The following TANC2 variants were observed in gnomAD, a reference collection of about 807,000 sequenced individuals.
TANC2 encodes tetratricopeptide repeat, ankyrin repeat and coiled-coil containing 2.
TANC2 carries 26 observed loss-of-function variants against 210.5 expected under a neutral mutation model. The ratio of observed to expected loss-of-function variants is 0.12; its 90% CI spans 0.09 to 0.17. TANC2 has a LOEUF of 0.17. TANC2 is among the 10% of genes least tolerant of loss of function. The pLI, the probability that TANC2 is intolerant of heterozygous loss-of-function variation, is 1.00. For synonymous variants in TANC2, 931 were observed against 967.1 expected, an observed-to-expected ratio of 0.96 and a Z score of 0.69; for missense variants, 2,129 against 2,608.9, an observed-to-expected ratio of 0.82 and a Z score of 4.01.
In TANC2 at chr17:63,418,186, T is replaced by A. The variant is rs368506459; in HGVS notation, c.4168-121T>A. The A allele has an allele frequency of 3.0e-6, 3 of 1,016,026 alleles. No homozygotes were observed. The East Asian group carries it at 7.8e-5, about 27-fold the overall frequency. The allele number at this position is 1,016,026 out of a possible 1,614,324, so 62.9% of individuals were successfully genotyped here. On this transcript the variant is annotated intron_variant, in intron 26 of 27. Coordinates refer to ENST00000689528, the Ensembl canonical transcript of TANC2. This position sits in a 1 kb window ranked among gnomAD's most constrained non-coding sequence, Gnocchi z 4.6. ...CGGCTTGAGCCATGTCAGGCACGTC[T>A]AGCGTCCCAGGCGTTCCATCCATGA...
chr17:62,999,476 A>G (rs2033269854), intron 1 of TANC2, among the ~76,000 whole-genome samples: 1 of 152,230 alleles, frequency 6.6e-6, no homozygotes, highest in Admixed American at 6.5e-5. Flanking sequence ...ATGGCAAAGG[A>G]TTCAGTTCAA....
chr17:63,072,679 A>C lies in TANC2; in HGVS notation c.68-1264A>C, dbSNP rs1447115411. On this transcript the variant is annotated intron_variant, in intron 2 of 27. Coordinates refer to ENST00000689528, the Ensembl canonical transcript of TANC2. Reference sequence around the variant, plus strand: ...TGTTTTACTAGATTACTGTGGACTAAGAGATATGAATATTTCCTGGCAATG... The same window carrying C: ...TGTTTTACTAGATTACTGTGGACTACGAGATATGAATATTTCCTGGCAATG... 3.3e-5 allele frequency among the ~76,000 whole-genome samples: 5 copies of C among 152,100 alleles called. No individual in the cohort carries two copies. In the East Asian group the frequency reaches 5.8e-4, roughly 18 times the overall value.
intron 2 of TANC2, among the ~76,000 whole-genome samples, chr17:63,022,204 T>C (rs557460793): frequency 2.0e-5 from 3 of 151,752 alleles, no homozygotes; most frequent in Non-Finnish European, 2.9e-5. Context: ...TAGCCGGGTA[T>C]GGTGGTGGGC....
At chr17:63,326,146 T>A (rs1193424805) in intron 11 of TANC2, among the ~76,000 whole-genome samples, 2 of 152,188 alleles carry the variant, frequency 1.3e-5, no homozygotes, top group East Asian at 3.9e-4. Flanking sequence ...TGAGGCATAC[T>A]GTAAAGCCTA....
At chr17:63,037,753 G>T (rs1473534187) in intron 2 of TANC2, among the ~76,000 whole-genome samples, 1 of 152,150 alleles carries the variant, frequency 6.6e-6, no homozygotes, top group African/African-American at 2.4e-5. Context: ...GGTGGAGGTT[G>T]CAGTGAGCCA....
chr17:63,240,803 C>T (rs762616141), intron 8 of TANC2, among the ~76,000 whole-genome samples: 1 of 152,184 alleles, frequency 6.6e-6, no homozygotes, highest in African/African-American at 2.4e-5. Context: ...ATACTTCCTC[C>T]TTCATGAAAC....
At chr17:63,086,698 C>A (rs1182367411) in intron 3 of TANC2, among the ~76,000 whole-genome samples, 1 of 152,120 alleles carries the variant, frequency 6.6e-6, no homozygotes, top group Admixed American at 6.5e-5. Flanking sequence ...GAGGTGAAGC[C>A]AGCTGGACTT....
intron 1 of TANC2, among the ~76,000 whole-genome samples, chr17:62,983,980 A>G (rs1298518073): frequency 1.3e-5 from 2 of 152,088 alleles, no homozygotes; most frequent in African/African-American, 2.4e-5. Flanking sequence ...TGTTGGCCTT[A>G]TACAATGAGT....
chr17:63,391,556 A>T (rs1250460902), intron 17 of TANC2: 1 of 152,156 alleles, frequency 6.6e-6, no homozygotes, highest in Non-Finnish European at 1.5e-5. Flanking sequence ...TTTTAATCTT[A>T]TATAGTGCCT....
At chr17:63,091,197 A>G (rs1302105709) in intron 3 of TANC2, among the ~76,000 whole-genome samples, 6 of 151,952 alleles carry the variant, frequency 3.9e-5, no homozygotes. Flanking sequence ...TTTGCTGTGC[A>G]GAAGCTCCTT....
chr17:63,288,290 T>G (rs191181539), intron 9 of TANC2, among the ~76,000 whole-genome samples: 15 of 152,334 alleles, frequency 9.8e-5, no homozygotes, highest in Non-Finnish European at 1.5e-4. Context: ...GACTGGGTTC[T>G]CTCTCTTTGC....
chr17:62,998,526 A>G (rs1466097122), intron 1 of TANC2, among the ~76,000 whole-genome samples: 1 of 152,234 alleles, frequency 6.6e-6, no homozygotes, highest in Non-Finnish European at 1.5e-5. Context: ...GGTCACTTAA[A>G]AAGGGAACCC....
At chr17:63,148,752 A>G (rs1387248031) in intron 4 of TANC2, 1 of 152,198 alleles carries the variant, frequency 6.6e-6, no homozygotes, top group Non-Finnish European at 1.5e-5. Context: ...TCTTACTCAC[A>G]TGAATCATCT....
intron 8 of TANC2, among the ~76,000 whole-genome samples, chr17:63,256,238 G>A (rs545748573): frequency 1.3e-5 from 2 of 152,222 alleles, no homozygotes; most frequent in East Asian, 3.9e-4. Context: ...ACTTATTGCT[G>A]TAAATTTTCC....
At chr17:63,146,746 T>C (rs562656641) in intron 4 of TANC2, among the ~76,000 whole-genome samples, 16 of 152,236 alleles carry the variant, frequency 1.1e-4, no homozygotes, top group South Asian at 8.3e-4. Flanking sequence ...TGACTAGATA[T>C]ACTTCAACAT....
At chr17:63,282,003 A>G (rs1303469006) in intron 9 of TANC2, among the ~76,000 whole-genome samples, 1 of 152,106 alleles carries the variant, frequency 6.6e-6, no homozygotes, top group African/African-American at 2.4e-5. Flanking sequence ...ACTGTGAGAA[A>G]ATAAAATTTG....
intron 1 of TANC2, among the ~76,000 whole-genome samples, chr17:63,000,968 CAAAA>C (rs3060700): frequency 4.2e-3 from 515 of 121,990 alleles, no homozygotes; most frequent in Admixed American, 7.6e-3. Context: ...TTAGAACTAG[CAAAA>C]AAAAAAAAAA....
chr17:62,994,067 A>C (rs1303645503), intron 1 of TANC2, among the ~76,000 whole-genome samples: 2 of 152,152 alleles, frequency 1.3e-5, no homozygotes, highest in Non-Finnish European at 2.9e-5. Context: ...GTGAATAGAG[A>C]CTGAGTTATT....
chr17:63,339,711 A>T (rs2046162348), intron 11 of TANC2, among the ~76,000 whole-genome samples: 1 of 151,050 alleles, frequency 6.6e-6, no homozygotes, highest in Non-Finnish European at 1.5e-5. Context: ...TTTATTCCTC[A>T]TGCTTTGTTT....
Sources: gnomAD v4.1 joint callset for allele counts (sites outside exome capture counted in the v4.1 genomes callset) on GRCh38, gnomAD v4.1.1 for gene constraint, Gnocchi (gnomAD v3.1) non-coding constraint, MANE v1.5 for transcripts, NCBI Gene and HGNC (gene_info 2026-07-23, HGNC 2026-07-21) for gene names.